LHFPL3: variants seen among roughly 807,000 people sequenced by gnomAD.
LHFPL3 encodes the protein LHFPL tetraspan subfamily member 3 protein.
A neutral mutation model predicts 19.3 loss-of-function variants in LHFPL3; 5 were observed. The ratio of observed to expected loss-of-function variants is 0.26; its 90% CI spans 0.14 to 0.54. LHFPL3 has a LOEUF of 0.54. LHFPL3 is among the 20% of genes least tolerant of loss of function. The pLI is 0.94. For synonymous variants in LHFPL3, 133 were observed against 126.2 expected (o/e 1.05, Z -0.36); for missense variants, 249 against 307.4 (o/e 0.81, Z 1.42).
At chr7:104,685,093 AG>A (rs1792779882) in intron 1 of LHFPL3, among the ~76,000 whole-genome samples, 1 of 152,228 alleles carries the variant, frequency 6.6e-6, no homozygotes, top group African/African-American at 2.4e-5. Context: ...ACTAAGTAAA[AG>A]ATTAAATATA....
At chr7:104,858,987 G>A (rs2116630956) in intron 2 of LHFPL3, among the ~76,000 whole-genome samples, 1 of 151,868 alleles carries the variant, frequency 6.6e-6, no homozygotes, top group Middle Eastern at 3.4e-3. Context: ...TGTTGACAGG[G>A]CACAGTGGCT....
chr7:104,347,536 G>A (rs1790094343), intron 1 of LHFPL3, among the ~76,000 whole-genome samples: 1 of 152,126 alleles, frequency 6.6e-6, no homozygotes, highest in Non-Finnish European at 1.5e-5. Context: ...GCTTCCTAAG[G>A]ACAGGGACCA....
At chr7:104,609,561 T>A (rs926458518) in intron 1 of LHFPL3, among the ~76,000 whole-genome samples, 7 of 152,110 alleles carry the variant, frequency 4.6e-5, no homozygotes, top group Admixed American at 2.6e-4. Context: ...GTAATGAAAA[T>A]GGTGCAGAGA....
chr7:104,523,848 T>G (rs545906644), intron 1 of LHFPL3, among the ~76,000 whole-genome samples: 1 of 152,166 alleles, frequency 6.6e-6, no homozygotes, highest in Admixed American at 6.6e-5. Flanking sequence ...AACCTGGCAA[T>G]GCTCCTCAGG....
intron 1 of LHFPL3, among the ~76,000 whole-genome samples, chr7:104,586,210 T>A (rs1790573005): frequency 6.6e-6 from 1 of 152,050 alleles, no homozygotes; most frequent in Non-Finnish European, 1.5e-5. Context: ...TAGGGAAAAT[T>A]TAAGGATGGG....
intron 1 of LHFPL3, among the ~76,000 whole-genome samples, chr7:104,375,826 A>C (rs2116441602): frequency 6.6e-6 from 1 of 152,316 alleles, no homozygotes; most frequent in South Asian, 2.1e-4. Context: ...AGAAGGCATT[A>C]TTACAGTTCT....
chr7:104,703,461 G>C (rs1262076944), intron 1 of LHFPL3, among the ~76,000 whole-genome samples: 2 of 152,152 alleles, frequency 1.3e-5, no homozygotes, highest in East Asian at 3.9e-4. Context: ...AGAGCACAAA[G>C]TTTTGTGGTT....
intron 1 of LHFPL3, chr7:104,669,290 C>A: frequency 6.2e-7 from 1 of 1,613,896 alleles, no homozygotes; most frequent in Non-Finnish European, 8.5e-7. Context: ...CCAGCTCAAC[C>A]ATCTGAGGAA....
chr7:104,901,594 G>C (rs1792486160), intron 2 of LHFPL3, among the ~76,000 whole-genome samples: 1 of 151,652 alleles, frequency 6.6e-6, no homozygotes, highest in African/African-American at 2.4e-5. Flanking sequence ...TTTTGAGACA[G>C]TCTTGCTCTG....
intron 1 of LHFPL3, among the ~76,000 whole-genome samples, chr7:104,547,457 G>A (rs1190238660): frequency 6.6e-6 from 1 of 152,078 alleles, no homozygotes; most frequent in African/African-American, 2.4e-5. Flanking sequence ...TTGGGACCAC[G>A]AGAATTATAG....
chr7:104,693,763 G>T (rs1792948011), intron 1 of LHFPL3, among the ~76,000 whole-genome samples: 1 of 149,232 alleles, frequency 6.7e-6, no homozygotes, highest in South Asian at 2.1e-4. Flanking sequence ...GGGACTACAG[G>T]CGCCCGCCAC....
intron 1 of LHFPL3, among the ~76,000 whole-genome samples, chr7:104,541,058 C>T (rs73715112): frequency 0.011 from 1,689 of 150,290 alleles, 28 homozygotes; most frequent in African/African-American, 0.039. Flanking sequence ...AGTTCCTCTA[C>T]TTCATTATGC....
intron 2 of LHFPL3, among the ~76,000 whole-genome samples, chr7:104,830,182 G>A (rs993415618): frequency 1.3e-5 from 2 of 151,772 alleles, no homozygotes; most frequent in African/African-American, 4.9e-5. Flanking sequence ...GGGGTTGTTT[G>A]TTTTTTTCTT....
At chr7:104,576,559 A>G (rs1356531449) in intron 1 of LHFPL3, among the ~76,000 whole-genome samples, 2 of 152,168 alleles carry the variant, frequency 1.3e-5, no homozygotes, top group African/African-American at 2.4e-5. Flanking sequence ...AGATTCACCT[A>G]CCTTAGTACC....
intron 2 of LHFPL3, among the ~76,000 whole-genome samples, chr7:104,817,517 G>A (rs1486765798): frequency 1.6e-4 from 24 of 152,036 alleles, no homozygotes; most frequent in Non-Finnish European, 2.9e-5. Context: ...TCTCCTAAAC[G>A]CTTATTTGAT....
At chr7:104,503,324 G>A (rs1459619099) in intron 1 of LHFPL3, among the ~76,000 whole-genome samples, 1 of 152,094 alleles carries the variant, frequency 6.6e-6, no homozygotes, top group Non-Finnish European at 1.5e-5. Context: ...GTGTGTGTAT[G>A]TGTCTGTAAA....
intron 2 of LHFPL3, among the ~76,000 whole-genome samples, chr7:104,814,054 AG>A (rs1392611018): frequency 6.6e-6 from 1 of 152,206 alleles, no homozygotes; most frequent in Non-Finnish European, 1.5e-5. Flanking sequence ...AGGGTGAGCA[AG>A]ATGAAGAGGA....
chr7:104,353,212 G>A (rs1204556364), intron 1 of LHFPL3, among the ~76,000 whole-genome samples: 1 of 152,192 alleles, frequency 6.6e-6, no homozygotes, highest in Non-Finnish European at 1.5e-5. Flanking sequence ...CAATGGAGAA[G>A]TGTAAGATAT....
chr7:104,535,346 G>A (rs1030424861), intron 1 of LHFPL3, among the ~76,000 whole-genome samples: 2 of 152,182 alleles, frequency 1.3e-5, no homozygotes, highest in Non-Finnish European at 2.9e-5. Context: ...ACAAGAAGTT[G>A]TATTTGGCTA....
Sources: gnomAD v4.1 joint callset for allele counts (sites outside exome capture counted in the v4.1 genomes callset) on GRCh38, gnomAD v4.1.1 for gene constraint, MANE v1.5 for transcripts, NCBI Gene and HGNC (gene_info 2026-07-23, HGNC 2026-07-21) for gene names.